Variants in CTDP1 observed in about 807,000 individuals in gnomAD.
The protein encoded by CTDP1 is CTD phosphatase 1.
In CTDP1, 47 loss-of-function variants were observed where a neutral mutation model predicts 91.8. The ratio of observed to expected loss-of-function variants is 0.51; its 90% CI spans 0.41 to 0.65. The LOEUF (loss-of-function observed/expected upper bound fraction) is 0.65. Ranked by LOEUF, CTDP1 falls within the 30% of genes least tolerant of loss-of-function variation. The pLI is 0.00. For synonymous variants in CTDP1, 656 were observed against 598.5 expected (o/e 1.10, Z -1.40); for missense variants, 1,272 against 1,373.7 (o/e 0.93, Z 1.17).
intron 5 of CTDP1, among the ~76,000 whole-genome samples, chr18:79,708,221 T>C (rs1275392514): frequency 6.6e-6 from 1 of 152,222 alleles, no homozygotes; most frequent in African/African-American, 2.4e-5. Flanking sequence ...CACAGTGCAT[T>C]GTGCATAGTG....
rs542032832 is a variant in CTDP1, at chr18:79,689,763, G to A, written c.315-5462G>A. On this transcript the variant is annotated intron_variant, in intron 1 of 12. Coordinates refer to ENST00000613122, the MANE Select transcript of CTDP1 (RefSeq NM_004715.5). ...ACCACTGCACTGCAAACTAGGTGAC[G>A]GAGCGAGACTCCGTCACAAATAAGT... Among the ~76,000 whole-genome samples the A allele has an allele frequency of 5.3e-5, 8 of 152,312 alleles. No homozygotes were observed. In the East Asian group the frequency reaches 1.2e-3, roughly 22 times the overall value.
intron 12 of CTDP1, among the ~76,000 whole-genome samples, chr18:79,746,879 C>T (rs1398031951): frequency 6.6e-6 from 1 of 152,196 alleles, no homozygotes; most frequent in Non-Finnish European, 1.5e-5. Context: ...ATCCTCCCGC[C>T]TCAGCCTCCC....
chr18:79,714,407 G>A (rs1403655693), intron 7 of CTDP1, 84 bp from the exon 8 acceptor site: 2 of 1,500,760 alleles, frequency 1.3e-6, no homozygotes, highest in Admixed American at 1.7e-5. Context: ...CACAGCCATG[G>A]AGAAGGGTGC....
intron 12 of CTDP1, among the ~76,000 whole-genome samples, chr18:79,751,507 G>A (rs755243255): frequency 4.6e-5 from 7 of 152,162 alleles, no homozygotes; most frequent in Non-Finnish European, 8.8e-5. Flanking sequence ...GTGACTGATC[G>A]GCTGTGTGTG....
chr18:79,711,892 C>T (rs777416823), intron 6 of CTDP1, among the ~76,000 whole-genome samples: 4 of 124,372 alleles, frequency 3.2e-5, no homozygotes, highest in Admixed American at 8.6e-5. Flanking sequence ...CCCGGAAGTC[C>T]GTCCTTGCTG....
At chr18:79,705,602 C>T (rs1216720555) in intron 5 of CTDP1, among the ~76,000 whole-genome samples, 1 of 151,666 alleles carries the variant, frequency 6.6e-6, no homozygotes, top group Non-Finnish European at 1.5e-5. Context: ...CGGCGACCGT[C>T]TGTCCCACGT....
chr18:79,687,590 C>A (rs2085529958), intron 1 of CTDP1, among the ~76,000 whole-genome samples: 6 of 150,638 alleles, frequency 4.0e-5, no homozygotes, highest in African/African-American at 9.8e-5. Context: ...ACTGGTGGGC[C>A]TGCACCGCAG....
downstream of CTDP1, chr18:79,756,202 T>A (rs1305428804): frequency 6.6e-6 from 1 of 152,380 alleles, no homozygotes; most frequent in Non-Finnish European, 1.5e-5. Context: ...AATGGGACTT[T>A]TCTCCCGCCT....
At chr18:79,708,128 G>A (rs1010464116) in intron 5 of CTDP1, among the ~76,000 whole-genome samples, 18 of 152,170 alleles carry the variant, frequency 1.2e-4, no homozygotes, top group African/African-American at 4.3e-4. Flanking sequence ...AAAGCTCCTG[G>A]CAGTACTGCA....
upstream of CTDP1, chr18:79,678,376 T>C (rs1599167174): frequency 1.3e-5 from 2 of 152,300 alleles, no homozygotes; most frequent in South Asian, 2.1e-4. Flanking sequence ...GAACAACATA[T>C]AGTCAGTCAC....
intron 12 of CTDP1, among the ~76,000 whole-genome samples, chr18:79,749,610 CT>C (rs1186598483): frequency 1.3e-5 from 2 of 152,108 alleles, no homozygotes; most frequent in African/African-American, 4.8e-5. Context: ...TGACTGCCCC[CT>C]CCCCGAGGTC....
chr18:79,679,448 T>A (rs559802294), upstream of CTDP1: 69 of 455,962 alleles, frequency 1.5e-4, no homozygotes, highest in Admixed American at 6.6e-4. Context: ...GAACTCGTAG[T>A]CTCGGGATGC....
intron 8 of CTDP1, among the ~76,000 whole-genome samples, chr18:79,716,529 G>T (rs1423484770): frequency 6.6e-6 from 1 of 152,206 alleles, no homozygotes; most frequent in Admixed American, 6.5e-5. Context: ...CTGGCCTCCT[G>T]TGGGCAGTCA....
intron 12 of CTDP1, among the ~76,000 whole-genome samples, chr18:79,751,410 C>T (rs1355209404): frequency 6.6e-6 from 1 of 152,134 alleles, no homozygotes; most frequent in East Asian, 1.9e-4. Context: ...GCCACCTGGA[C>T]AGGACTTGGA....
chr18:79,684,982 GGGGTGT>G (rs2085458532), intron 1 of CTDP1, among the ~76,000 whole-genome samples: 1 of 59,824 alleles, frequency 1.7e-5, no homozygotes, highest in African/African-American at 5.7e-5. Context: ...TGCTCCTTAC[GGGGTGT>G]GAGGTCCTGG....
chr18:79,694,660 C>T (rs983470217), intron 1 of CTDP1, among the ~76,000 whole-genome samples: 2 of 151,118 alleles, frequency 1.3e-5, no homozygotes, highest in South Asian at 2.1e-4. Context: ...TAGGGGCGGG[C>T]GCTGAGTGCC....
At chr18:79,720,712 AAC>A (rs1308634910) in intron 10 of CTDP1, among the ~76,000 whole-genome samples, 4 of 152,286 alleles carry the variant, frequency 2.6e-5, no homozygotes, top group Non-Finnish European at 5.9e-5. Context: ...GTGTCTTTCC[AAC>A]ACTGCTTCTC....
chr18:79,716,640 T>G (rs1325851299), intron 8 of CTDP1, among the ~76,000 whole-genome samples: 1 of 151,892 alleles, frequency 6.6e-6, no homozygotes, highest in Non-Finnish European at 1.5e-5. Context: ...CTCCTGACCC[T>G]TCTCTCCTGA....
intron 1 of CTDP1, among the ~76,000 whole-genome samples, chr18:79,695,009 G>C (rs1176180922): frequency 1.3e-5 from 2 of 152,152 alleles, no homozygotes; most frequent in African/African-American, 4.8e-5. Flanking sequence ...AGGTGTGGTG[G>C]CGTGTCATTT....
Sources: allele counts gnomAD v4.1 joint callset (sites outside exome capture counted in the v4.1 genomes callset), GRCh38; gene constraint gnomAD v4.1.1; transcripts MANE v1.5; gene names NCBI Gene and HGNC (gene_info 2026-07-23, HGNC 2026-07-21).